UBAP2L: variants seen among roughly 807,000 people sequenced by gnomAD.
The protein encoded by UBAP2L is ubiquitin associated protein 2 like.
In UBAP2L, 12 loss-of-function variants were observed where a neutral mutation model predicts 130.6. The ratio of observed to expected loss-of-function variants is 0.09; its 90% CI spans 0.06 to 0.15. UBAP2L has a LOEUF of 0.15. Ranked by LOEUF, UBAP2L falls within the 10% of genes least tolerant of loss-of-function variation. The pLI, the probability that UBAP2L is intolerant of heterozygous loss-of-function variation, is 1.00. For missense variants in UBAP2L, 965 were observed against 1,332.5 expected, an observed-to-expected ratio of 0.72 and a Z score of 4.29; for synonymous variants, 503 against 524.7, an observed-to-expected ratio of 0.96 and a Z score of 0.57.
intron 23 of UBAP2L, 54 bp downstream of exon 23, chr1:154,261,163 C>CT: frequency 6.5e-7 from 1 of 1,548,156 alleles, no homozygotes; most frequent in Non-Finnish European, 8.8e-7. Flanking sequence ...GCCCTGGACA[C>CT]TATCCTAGCT....
upstream of UBAP2L, chr1:154,220,549 G>A (rs1665539047): frequency 3.7e-6 from 3 of 817,394 alleles, no homozygotes; most frequent in Admixed American, 2.4e-5. Flanking sequence ...GCCAGACCCG[G>A]CCTGAAAACA....
intron 8 of UBAP2L, among the ~76,000 whole-genome samples, chr1:154,239,871 T>C (rs1351278408): frequency 1.3e-5 from 2 of 152,226 alleles, no homozygotes; most frequent in Non-Finnish European, 2.9e-5. Flanking sequence ...AACTTGTCTG[T>C]ACTGAGATTG....
In UBAP2L at chr1:154,270,413, CG is replaced by C; in HGVS notation, c.*120del. 1 of 1,510,230 alleles carries C rather than the reference CG, an allele frequency of 6.6e-7. No homozygotes were observed. 93.6% of individuals were successfully genotyped at this position (1,510,230 alleles called of 1,614,324 possible). ...GGTTTCCGCTGCCCCCCACCCCCAG[CG>C]GCCCACCCCATGCCTCAGCTTCATG... is the stretch of plus-strand genomic sequence containing the variant. On this transcript the variant is annotated 3_prime_UTR_variant, in exon 27 of 27. Coordinates refer to ENST00000428931, the MANE Select transcript of UBAP2L (RefSeq NM_014847.4).
At chr1:154,251,780 A>G in intron 14 of UBAP2L, 127 bp downstream of exon 14, 2 of 1,069,356 alleles carry the variant, frequency 1.9e-6, no homozygotes, top group African/African-American at 1.6e-5. Context: ...GTAGTCAGTC[A>G]TAGCATTTTT....
intron 26 of UBAP2L, chr1:154,269,191 T>C: frequency 2.4e-6 from 2 of 817,570 alleles, no homozygotes; most frequent in East Asian, 2.8e-5. Flanking sequence ...TTTGGTGCCC[T>C]TCTCCTCCTG....
chr1:154,232,810 G>T (rs924110373), intron 4 of UBAP2L, among the ~76,000 whole-genome samples: 1 of 152,030 alleles, frequency 6.6e-6, no homozygotes, highest in Non-Finnish European at 1.5e-5. Context: ...TGATCATTCT[G>T]CCTCAGCCTT....
intron 8 of UBAP2L, among the ~76,000 whole-genome samples, chr1:154,238,000 C>T (rs1672239073): frequency 6.6e-6 from 1 of 152,116 alleles, no homozygotes; most frequent in South Asian, 2.1e-4. Context: ...GGCTTTTTTT[C>T]CTCTTACAAA....
intron 25 of UBAP2L, 116 bp downstream of exon 25, chr1:154,266,684 A>G: frequency 9.2e-7 from 1 of 1,088,654 alleles, no homozygotes; most frequent in Non-Finnish European, 1.4e-6. Flanking sequence ...CAGGAAACCC[A>G]TCCTACTTTT....
At chr1:154,249,007 T>C (rs1473558630) in intron 11 of UBAP2L, among the ~76,000 whole-genome samples, 3 of 152,152 alleles carry the variant, frequency 2.0e-5, no homozygotes, top group Non-Finnish European at 4.4e-5. Context: ...TATTTCCAGA[T>C]GAGGAAAGAG....
intron 1 of UBAP2L, 44 bp downstream of exon 1, chr1:154,221,019 A>AGCGGCAGCGCG (rs1665732020): frequency 4.9e-6 from 1 of 204,562 alleles, no homozygotes; most frequent in African/African-American, 2.4e-5. Flanking sequence ...CGGCGGCGGC[A>AGCGGCAGCGCG]GCGGCAGCGC....
chr1:154,266,505 T>G lies in UBAP2L; in HGVS notation c.2907T>G (p.Val969=). ...GYGSHGYNTG[V]SVTSSNTGVP... ...GTCTGTTTCCTCCTCCCCCAGGTGT[T>G]TCAGTCACCTCCAGTAACACGGGCG... is the stretch of plus-strand genomic sequence containing the variant. Residue 969 remains valine, a synonymous_variant, in exon 25 of 27, where the codon GTT becomes GTG. Coordinates refer to ENST00000428931, the MANE Select transcript of UBAP2L (RefSeq NM_014847.4). 6.2e-7 allele frequency: 1 copy of G among 1,614,182 alleles called. No homozygotes were observed. Among genetic ancestry groups the G allele is most frequent in the Non-Finnish European group, 8.5e-7 (1 of 1,180,026 alleles).
intron 8 of UBAP2L, 115 bp from the exon 9 acceptor site, chr1:154,241,398 T>C: frequency 1.0e-6 from 1 of 974,650 alleles, no homozygotes; most frequent in Non-Finnish European, 1.6e-6. Flanking sequence ...TTCTGATTAC[T>C]AAATTTTAGT....
intron 2 of UBAP2L, among the ~76,000 whole-genome samples, chr1:154,226,058 C>T (rs767775197): frequency 6.6e-6 from 1 of 152,248 alleles, no homozygotes; most frequent in Non-Finnish European, 1.5e-5. Flanking sequence ...AGGTGATCCA[C>T]CTGCCTCGGC....
At chr1:154,223,731 G>A (rs912593168) in intron 1 of UBAP2L, among the ~76,000 whole-genome samples, 2 of 152,062 alleles carry the variant, frequency 1.3e-5, no homozygotes, top group African/African-American at 2.4e-5. Context: ...ACCTATTGAC[G>A]CAACTTGGTG....
intron 25 of UBAP2L, among the ~76,000 whole-genome samples, chr1:154,267,816 C>A (rs563446872): frequency 4.1e-5 from 6 of 146,222 alleles, no homozygotes; most frequent in Non-Finnish European, 9.0e-5. Context: ...GTTCGGATTT[C>A]ATGATGTTCA....
Position 154,251,610 on chromosome 1 carries a change from T to G in UBAP2L, c.1621T>G (p.Ser541Ala). 6.2e-7 allele frequency: 1 copy of G among 1,614,088 alleles called. No homozygotes were observed. The highest frequency in any genetic ancestry group is 2.2e-5 in the East Asian group (1 of 44,862). The change falls in exon 14 of 27, where the codon TCT becomes GCT. Residue 541 changes from serine (S) to alanine (A), a missense_variant. This residue lies in a region of UBAP2L where 393 missense variants were observed against 408.1 expected (regional missense o/e 0.96). Transcript: ENST00000428931. The stretch of plus-strand genomic sequence containing the variant: ...TGAGTCCACCCCCACCACGAGCGCC[T>G]CTTCAAGCCAGGCTCCAAGTAGCCT... Reference protein sequence around the residue: ...DYESTPTTSASSSQAPSSLYT... With the variant: ...DYESTPTTSAASSQAPSSLYT...
rs1459468103 is a variant in UBAP2L at position 154,270,245 on chromosome 1, C to T, written c.3214C>T (p.Pro1072Ser). The T allele has an allele frequency of 3.1e-6, 5 of 1,613,546 alleles. No homozygotes were observed. In the South Asian group the frequency reaches 4.4e-5, roughly 14 times the overall value. Residue 1072 changes from proline (P) to serine (S), a missense_variant, in exon 27 of 27, where the codon CCC becomes TCC. Around this residue, in one of 9 missense-constraint regions of UBAP2L, gnomAD observed 194 missense variants for 334.0 expected, o/e 0.58. Coordinates refer to ENST00000428931, the MANE Select transcript of UBAP2L (RefSeq NM_014847.4). ...RSQTSSIPQK[P>S]QTNKSAYNSY... ...CCAGACCAGCTCCATCCCGCAGAAGCCCCAGACCAACAAGTCTGCCTACAA... is the reference window on the plus strand; with the variant it reads ...CCAGACCAGCTCCATCCCGCAGAAGTCCCAGACCAACAAGTCTGCCTACAA...
chr1:154,245,739 C>T (rs1050111392), intron 10 of UBAP2L, among the ~76,000 whole-genome samples: 2 of 151,730 alleles, frequency 1.3e-5, no homozygotes, highest in Admixed American at 1.3e-4. Context: ...CACGTGAAAC[C>T]CCTTCTCTAT....
intron 25 of UBAP2L, 146 bp downstream of exon 25, chr1:154,266,714 C>G (rs1195410589): frequency 5.1e-6 from 4 of 779,812 alleles, no homozygotes; most frequent in Non-Finnish European, 8.4e-6. Flanking sequence ...AAGGTCTTCT[C>G]TAGACTTCAC....
Sources: gnomAD v4.1 joint callset for allele counts (sites outside exome capture counted in the v4.1 genomes callset) on GRCh38, gnomAD v4.1.1 for gene constraint, gnomAD v4.1.1 regional missense constraint, MANE v1.5 for transcripts, NCBI Gene and HGNC (gene_info 2026-07-23, HGNC 2026-07-21) for gene names.